TUSC3: variants seen among roughly 807,000 people sequenced by gnomAD.
TUSC3 encodes the protein dolichyl-diphosphooligosaccharide--protein glycosyltransferase subunit TUSC3.
In TUSC3, 45 loss-of-function variants were observed where a neutral mutation model predicts 44.8. The observed-to-expected ratio is 1.00, with a 90% CI of 0.79 to 1.29. The LOEUF (loss-of-function observed/expected upper bound fraction) is 1.29. TUSC3 is among the 50% of genes most tolerant of loss of function. The probability of loss-of-function intolerance (pLI) is 0.00; values close to 1 mark genes in which losing one functional copy is unlikely to be tolerated. For synonymous variants in TUSC3, 212 were observed against 152.9 expected (o/e 1.39, Z -2.85); for missense variants, 519 against 437.9 (o/e 1.19, Z -1.65).
intron 9 of TUSC3, among the ~76,000 whole-genome samples, chr8:15,755,038 T>C (rs1156434498): frequency 6.6e-6 from 1 of 152,138 alleles, no homozygotes; most frequent in Non-Finnish European, 1.5e-5. Context: ...ATATTTATCC[T>C]ATAGTCTTAA....
chr8:15,801,720 G>A, the TUSC3 span, among the ~76,000 whole-genome samples: 1 of 152,106 alleles, frequency 6.6e-6, no homozygotes, highest in Admixed American at 6.6e-5. Context: ...CATGTAGAAC[G>A]TACCCTTGCT....
At chr8:15,796,348 A>C in the TUSC3 span, among the ~76,000 whole-genome samples, 1 of 152,162 alleles carries the variant, frequency 6.6e-6, no homozygotes, top group Admixed American at 6.5e-5. Context: ...TCTTGATCCC[A>C]AAGAGGACAT....
chr8:15,632,271 C>A (rs1805806652), intron 2 of TUSC3, among the ~76,000 whole-genome samples: 1 of 151,186 alleles, frequency 6.6e-6, no homozygotes, highest in African/African-American at 2.4e-5. Context: ...CTTTTTTTTT[C>A]CCTGAGGAAT....
At position 15,751,809 on chromosome 8, in the gene TUSC3, T is replaced by G. The variant is rs562633929; in HGVS notation, c.1028+3344T>G. ...CTAAGAGATCGTTCTCAAAACTCTGTGGCTTCTTATTCCTACACCATGCAC... is the reference window on the plus strand; with the variant it reads ...CTAAGAGATCGTTCTCAAAACTCTGGGGCTTCTTATTCCTACACCATGCAC... On this transcript the variant is annotated intron_variant, in intron 9 of 10. Transcript: ENST00000503731. Among the ~76,000 whole-genome samples the G allele has an allele frequency of 3.3e-5, 5 of 152,314 alleles. No individual in the cohort carries two copies. The East Asian group carries it at 9.6e-4, about 29-fold the overall frequency.
intron 1 of TUSC3, among the ~76,000 whole-genome samples, chr8:15,481,388 C>G (rs952304813): frequency 6.6e-6 from 1 of 151,928 alleles, no homozygotes; most frequent in South Asian, 2.1e-4. Context: ...AGGACAAGTT[C>G]AGACCCCTCT....
chr8:15,446,972 A>C (rs1248545148), intron 1 of TUSC3, among the ~76,000 whole-genome samples: 1 of 152,086 alleles, frequency 6.6e-6, no homozygotes, highest in Admixed American at 6.5e-5. Context: ...TCACACACCC[A>C]ATGAAGAATG....
At chr8:15,851,306 C>T in the TUSC3 span, among the ~76,000 whole-genome samples, 2 of 152,024 alleles carry the variant, frequency 1.3e-5, no homozygotes. Context: ...AAAAAGCAGA[C>T]AAAAGTCCCT....
downstream of TUSC3, among the ~76,000 whole-genome samples, chr8:15,768,573 A>C (rs1812389820): frequency 6.6e-6 from 1 of 152,182 alleles, no homozygotes; most frequent in Non-Finnish European, 1.5e-5. Context: ...AAGGAAACAG[A>C]GAATGATTTA....
intron 5 of TUSC3, among the ~76,000 whole-genome samples, chr8:15,663,878 T>G (rs1040680129): frequency 6.6e-6 from 1 of 151,870 alleles, no homozygotes; most frequent in Non-Finnish European, 1.5e-5. Flanking sequence ...TTCACTGTGT[T>G]GTTGCAAAAT....
the TUSC3 span, among the ~76,000 whole-genome samples, chr8:15,846,528 T>TA: frequency 5.9e-5 from 9 of 152,158 alleles, no homozygotes; most frequent in Middle Eastern, 3.4e-3. Context: ...TATGCAGCCA[T>TA]AAAAAAGGAT....
chr8:15,829,305 A>G, the TUSC3 span, among the ~76,000 whole-genome samples: 2 of 152,188 alleles, frequency 1.3e-5, no homozygotes, highest in African/African-American at 4.8e-5. Context: ...TTTTGAAGTG[A>G]AAGTGCCAGA....
At chr8:15,496,139 C>T (rs1016456744) in intron 2 of TUSC3, among the ~76,000 whole-genome samples, 6 of 152,168 alleles carry the variant, frequency 3.9e-5, no homozygotes, top group African/African-American at 1.4e-4. Flanking sequence ...CCTCTCAATA[C>T]CATGTTCTAT....
At chr8:15,479,837 A>T (rs112459610) in intron 1 of TUSC3, among the ~76,000 whole-genome samples, 3 of 152,032 alleles carry the variant, frequency 2.0e-5, no homozygotes, top group Non-Finnish European at 1.5e-5. Context: ...AGCGTATTCA[A>T]ATAAGAAGAG....
chr8:15,813,442 G>C, the TUSC3 span, among the ~76,000 whole-genome samples: 540 of 142,522 alleles, frequency 3.8e-3, 5 homozygotes, highest in African/African-American at 0.016. Flanking sequence ...TTTCTTCTAA[G>C]CTTGTAATAC....
intron 1 of TUSC3, among the ~76,000 whole-genome samples, chr8:15,443,196 C>G (rs1001259230): frequency 6.6e-6 from 1 of 151,722 alleles, no homozygotes; most frequent in African/African-American, 2.4e-5. Flanking sequence ...GAAGGCATCT[C>G]ACACTGTCAC....
intron 1 of TUSC3, among the ~76,000 whole-genome samples, chr8:15,432,889 C>T (rs994819816): frequency 6.6e-6 from 1 of 152,130 alleles, no homozygotes; most frequent in Non-Finnish European, 1.5e-5. Context: ...GATAAAACCC[C>T]GGTAGGTTAG....
chr8:15,801,040 C>G, the TUSC3 span, among the ~76,000 whole-genome samples: 1 of 151,946 alleles, frequency 6.6e-6, no homozygotes, highest in African/African-American at 2.4e-5. Flanking sequence ...TGGATCTCAC[C>G]CAAGAAAGAA....
At chr8:15,479,797 C>A (rs1196406408) in intron 1 of TUSC3, among the ~76,000 whole-genome samples, 1 of 151,988 alleles carries the variant, frequency 6.6e-6, no homozygotes, top group Non-Finnish European at 1.5e-5. Flanking sequence ...GAAGTTCTGG[C>A]CAGGCCTATC....
At chr8:15,583,393 G>C (rs1803458615) in intron 1 of TUSC3, among the ~76,000 whole-genome samples, 1 of 152,186 alleles carries the variant, frequency 6.6e-6, no homozygotes, top group South Asian at 2.1e-4. Context: ...GATTGACGGT[G>C]ATGGTAAAAG....
Sources: gnomAD v4.1 joint callset for allele counts (sites outside exome capture counted in the v4.1 genomes callset) on GRCh38, gnomAD v4.1.1 for gene constraint, MANE v1.5 for transcripts, NCBI Gene and HGNC (gene_info 2026-07-23, HGNC 2026-07-21) for gene names.